The following XKR9 variants were observed in gnomAD, a reference collection of about 807,000 sequenced individuals.
The protein encoded by XKR9 is XK related 9, also known as XK-related protein 9.
Under a neutral mutation model 32.0 loss-of-function variants are expected in XKR9, and 32 were observed. The ratio of observed to expected loss-of-function variants is 1.00; its 90% CI spans 0.76 to 1.34. The LOEUF is 1.34. XKR9 is among the 40% of genes most tolerant of loss of function. The probability of loss-of-function intolerance (pLI) is 0.00; values close to 1 mark genes in which losing one functional copy is unlikely to be tolerated. For synonymous variants in XKR9, 168 were observed against 143.4 expected (o/e 1.17, Z -1.22); for missense variants, 546 against 429.7 (o/e 1.27, Z -2.39).
the XKR9 span, among the ~76,000 whole-genome samples, chr8:70,924,988 A>C: frequency 2.3e-4 from 35 of 152,218 alleles, no homozygotes; most frequent in East Asian, 6.8e-3. Flanking sequence ...TGCCCAAGTA[A>C]ATTTTCAGGG....
chr8:71,027,985 G>A, the XKR9 span, among the ~76,000 whole-genome samples: 1 of 152,120 alleles, frequency 6.6e-6, no homozygotes, highest in Non-Finnish European at 1.5e-5. Context: ...TGTTGCCCAG[G>A]CTGGTGTCAA....
At chr8:70,858,192 G>T in the XKR9 span, among the ~76,000 whole-genome samples, 2 of 152,300 alleles carry the variant, frequency 1.3e-5, no homozygotes, top group African/African-American at 4.8e-5. Context: ...GTTTTCAGAT[G>T]ACATGATTGT....
the XKR9 span, among the ~76,000 whole-genome samples, chr8:70,831,095 A>G: frequency 2.0e-5 from 3 of 152,202 alleles, no homozygotes; most frequent in East Asian, 5.8e-4. Context: ...GTTTGAGACC[A>G]GTCTGACCAA....
intron 4 of XKR9, among the ~76,000 whole-genome samples, chr8:70,728,333 A>C (rs571789176): frequency 2.0e-5 from 3 of 152,208 alleles, no homozygotes; most frequent in African/African-American, 7.2e-5. Flanking sequence ...CCTGCTGATC[A>C]GGGGCATAGT....
At chr8:70,884,059 T>C in the XKR9 span, among the ~76,000 whole-genome samples, 1 of 152,122 alleles carries the variant, frequency 6.6e-6, no homozygotes, top group Non-Finnish European at 1.5e-5. Context: ...GTGTTGTCAG[T>C]GTTTGGGGTT....
chr8:70,733,779 A>ATTTTT lies in XKR9; in HGVS notation c.494-14_494-10dup. The ATTTTT allele has an allele frequency of 6.6e-7, 1 of 1,509,800 alleles. No individual in the cohort carries two copies. The allele number at this position is 1,509,800 out of a possible 1,614,324, so 93.5% of individuals were successfully genotyped here. On this transcript the variant is annotated splice_polypyrimidine_tract_variant and intron_variant, in intron 4 of 4. Coordinates refer to ENST00000408926, the MANE Select transcript of XKR9 (RefSeq NM_001011720.2). ...TTATTCCTATAACAATATATTTTTT[A>ATTTTT]TTTTTTTGTTTTGTAGATGCGGCCA... is the stretch of plus-strand genomic sequence containing the variant.
chr8:70,700,853 C>T (rs1413221151), intron 3 of XKR9, among the ~76,000 whole-genome samples: 11 of 152,200 alleles, frequency 7.2e-5, no homozygotes, highest in Non-Finnish European at 1.6e-4. Flanking sequence ...TTGAGCTTCC[C>T]AGCTGCTTTG....
the XKR9 span, among the ~76,000 whole-genome samples, chr8:70,856,253 C>T: frequency 6.6e-6 from 1 of 152,150 alleles, no homozygotes; most frequent in African/African-American, 2.4e-5. Flanking sequence ...CAGAGACACA[C>T]ATAGGCTCAA....
At chr8:70,699,138 A>G (rs1427543974) in intron 3 of XKR9, among the ~76,000 whole-genome samples, 1 of 152,180 alleles carries the variant, frequency 6.6e-6, no homozygotes. Flanking sequence ...CTCTTTATCC[A>G]ATTTGCCAGT....
At chr8:71,010,633 T>C in the XKR9 span, among the ~76,000 whole-genome samples, 1 of 152,112 alleles carries the variant, frequency 6.6e-6, no homozygotes, top group South Asian at 2.1e-4. Context: ...ACAGTATCAT[T>C]ACATGGACCC....
intron 2 of XKR9, among the ~76,000 whole-genome samples, chr8:70,758,189 C>T (rs542194016): frequency 4.0e-4 from 28 of 70,372 alleles, no homozygotes; most frequent in East Asian, 1.1e-3. Context: ...CCTGCCCCTA[C>T]GTTGTTAAGC....
chr8:70,709,991 T>C (rs62530797), intron 4 of XKR9, among the ~76,000 whole-genome samples: 11,062 of 152,234 alleles, frequency 0.073, 486 homozygotes, highest in Non-Finnish European at 0.089. Flanking sequence ...AAAGCAATCC[T>C]AAGCAAGAAG....
chr8:70,751,789 G>A (rs185190678), intron 2 of XKR9, among the ~76,000 whole-genome samples: 25 of 152,222 alleles, frequency 1.6e-4, no homozygotes, highest in Non-Finnish European at 3.1e-4. Context: ...CTTTGGGCTC[G>A]AAGTAAAAGT....
At chr8:70,685,408 A>C (rs548922694) in intron 3 of XKR9, among the ~76,000 whole-genome samples, 41,393 of 138,644 alleles carry the variant, frequency 0.3, 7,774 homozygotes, top group Non-Finnish European at 0.42. Flanking sequence ...TGACGAGTTA[A>C]TGCATGCAGC....
At chr8:70,760,586 T>A (rs998106121) in intron 2 of XKR9, among the ~76,000 whole-genome samples, 3 of 152,190 alleles carry the variant, frequency 2.0e-5, no homozygotes, top group African/African-American at 7.2e-5. Flanking sequence ...CACACAACCT[T>A]CCCCTTAGAT....
At chr8:71,034,072 G>C in the XKR9 span, among the ~76,000 whole-genome samples, 15 of 152,180 alleles carry the variant, frequency 9.9e-5, no homozygotes, top group African/African-American at 3.6e-4. Flanking sequence ...GACCCATAGA[G>C]TATGGTGAAA....
intron 2 of XKR9, among the ~76,000 whole-genome samples, chr8:70,756,319 C>T (rs914390819): frequency 6.6e-6 from 1 of 152,128 alleles, no homozygotes; most frequent in Non-Finnish European, 1.5e-5. Context: ...GTTTATTATT[C>T]ATTTTCAGCA....
chr8:71,036,887 T>A, the XKR9 span, among the ~76,000 whole-genome samples: 9 of 151,100 alleles, frequency 6.0e-5, no homozygotes, highest in African/African-American at 2.2e-4. Flanking sequence ...TTTTTTTTTT[T>A]AAGTAGAGAC....
intron 2 of XKR9, among the ~76,000 whole-genome samples, chr8:70,761,634 C>T (rs1241469616): frequency 1.3e-5 from 2 of 152,004 alleles, no homozygotes; most frequent in East Asian, 1.9e-4. Context: ...CATTTTCTTT[C>T]ATTCTGTAAG....
Sources: gnomAD v4.1 joint callset for allele counts (sites outside exome capture counted in the v4.1 genomes callset) on GRCh38, gnomAD v4.1.1 for gene constraint, MANE v1.5 for transcripts, NCBI Gene and HGNC (gene_info 2026-07-23, HGNC 2026-07-21) for gene names.